AGBL4: variants seen among roughly 807,000 people sequenced by gnomAD.
AGBL4 encodes the protein AGBL carboxypeptidase 4, also known as cytosolic carboxypeptidase 6.
Under a neutral mutation model 66.4 loss-of-function variants are expected in AGBL4, and 58 were observed. The observed-to-expected ratio is 0.87, with a 90% confidence interval of 0.71 to 1.09. The LOEUF (loss-of-function observed/expected upper bound fraction) is 1.09, where lower values mean the gene tolerates loss of function less well. Ranked by LOEUF, AGBL4 falls within the 50% of genes least tolerant of loss-of-function variation. The pLI, the probability that AGBL4 is intolerant of heterozygous loss-of-function variation, is 0.00. For synonymous variants in AGBL4, 234 were observed against 222.9 expected, an observed-to-expected ratio of 1.05 and a Z score of -0.44; for missense variants, 579 against 631.0, an observed-to-expected ratio of 0.92 and a Z score of 0.88.
At chr1:49,946,371 T>C (rs142909317) in intron 1 of AGBL4, among the ~76,000 whole-genome samples, 4 of 151,940 alleles carry the variant, frequency 2.6e-5, no homozygotes, top group East Asian at 1.9e-4. Flanking sequence ...TCTCAGACCA[T>C]AGTGGAATAA....
chr1:48,709,063 G>A (rs756701532), intron 6 of AGBL4, among the ~76,000 whole-genome samples: 4 of 152,076 alleles, frequency 2.6e-5, no homozygotes, highest in South Asian at 4.2e-4. Flanking sequence ...TCTCCTCTCC[G>A]GCCTCTGGGT....
chr1:48,669,232 T>C lies in AGBL4; in HGVS notation c.635-5991A>G, dbSNP rs138161376. On this transcript the variant is annotated intron_variant, in intron 6 of 13. Coordinates refer to ENST00000371839, the MANE Select transcript of AGBL4 (RefSeq NM_032785.4). Reference sequence around the variant, plus strand: ...TAAGATGAGAATAATAATCTCTAGCTCACAAGACAAACAATAAGCAAGAGA... The same window carrying C: ...TAAGATGAGAATAATAATCTCTAGCCCACAAGACAAACAATAAGCAAGAGA... 5.1e-3 allele frequency among the ~76,000 whole-genome samples: 783 copies of C among 152,306 alleles called. 9 individuals are homozygous for C. Among genetic ancestry groups the C allele is most frequent in the African/African-American group, 0.018 (754 of 41,568 alleles).
chr1:48,948,258 G>A (rs886360612), intron 5 of AGBL4, among the ~76,000 whole-genome samples: 1 of 152,218 alleles, frequency 6.6e-6, no homozygotes, highest in Non-Finnish European at 1.5e-5. Context: ...CTCTTTGCAC[G>A]TGTGCCTTGC....
chr1:49,964,635 C>A (rs1175744247), intron 1 of AGBL4, among the ~76,000 whole-genome samples: 1 of 151,922 alleles, frequency 6.6e-6, no homozygotes, highest in Non-Finnish European at 1.5e-5. Context: ...CAGAAATCAT[C>A]CACTTTAAGA....
intron 5 of AGBL4, among the ~76,000 whole-genome samples, chr1:49,017,858 C>T (rs535594775): frequency 2.6e-5 from 4 of 152,136 alleles, no homozygotes; most frequent in Non-Finnish European, 4.4e-5. Context: ...TTGCTTTTGG[C>T]CACAGACCAA....
intron 6 of AGBL4, among the ~76,000 whole-genome samples, chr1:48,682,081 G>T (rs531173732): frequency 2.6e-5 from 4 of 152,340 alleles, no homozygotes; most frequent in African/African-American, 9.6e-5. Flanking sequence ...ACACAGACTT[G>T]TGTGAGCACA....
chr1:48,576,039 C>G (rs544398912), intron 11 of AGBL4, among the ~76,000 whole-genome samples: 2 of 152,204 alleles, frequency 1.3e-5, no homozygotes, highest in Non-Finnish European at 2.9e-5. Flanking sequence ...AACAGATCTA[C>G]TCCCTCTGCT....
rs12076936 is a variant in AGBL4, at chr1:49,926,729, T to C, written c.35-75211A>G. Reference sequence around the variant, plus strand: ...ATTAAAAAGAGTCAAGCAGAAATCATGGAGTAAAAACTTGAAATTGATATA... The same window carrying C: ...ATTAAAAAGAGTCAAGCAGAAATCACGGAGTAAAAACTTGAAATTGATATA... On this transcript the variant is annotated intron_variant, in intron 1 of 13. Transcript: ENST00000371839. Among the ~76,000 whole-genome samples the C allele has an allele frequency of 2.1e-3, 314 of 152,236 alleles. 4 individuals carry two copies. Among genetic ancestry groups the C allele is most frequent in the African/African-American group, 7.0e-3 (292 of 41,566 alleles).
At chr1:49,617,832 G>A (rs1381624105) in intron 3 of AGBL4, among the ~76,000 whole-genome samples, 8 of 152,154 alleles carry the variant, frequency 5.3e-5, no homozygotes, top group Admixed American at 2.0e-4. Flanking sequence ...GACAGACCAA[G>A]GTTTCGGTTT....
intron 3 of AGBL4, among the ~76,000 whole-genome samples, chr1:49,273,375 T>C (rs1644101212): frequency 6.6e-6 from 1 of 151,402 alleles, no homozygotes; most frequent in African/African-American, 2.4e-5. Context: ...AAAACATTTT[T>C]ATAAAAGAAT....
chr1:49,476,338 T>C (rs1469910522), intron 3 of AGBL4, among the ~76,000 whole-genome samples: 3 of 152,062 alleles, frequency 2.0e-5, no homozygotes. Context: ...ATGTGGTCAA[T>C]CTTAGAGTAT....
At chr1:49,164,866 G>A (rs544854495) in intron 4 of AGBL4, among the ~76,000 whole-genome samples, 10 of 152,092 alleles carry the variant, frequency 6.6e-5, no homozygotes, top group Admixed American at 2.0e-4. Context: ...TGTGACCAAG[G>A]GTTTCTATAA....
intron 6 of AGBL4, among the ~76,000 whole-genome samples, chr1:48,816,094 G>T (rs1570739544): frequency 6.7e-6 from 1 of 148,872 alleles, no homozygotes; most frequent in Non-Finnish European, 1.5e-5. Flanking sequence ...TGTGTGTGTA[G>T]AGAGAAAGAG....
At chr1:49,283,282 G>T (rs545011636) in intron 3 of AGBL4, among the ~76,000 whole-genome samples, 26 of 152,242 alleles carry the variant, frequency 1.7e-4, no homozygotes, top group African/African-American at 5.3e-4. Context: ...ACACGGCAGG[G>T]TATTCCAACA....
chr1:49,283,786 GAATGA>G lies in AGBL4; in HGVS notation c.283-37927_283-37923del, dbSNP rs1182453708. Among the ~76,000 whole-genome samples the G allele has an allele frequency of 3.4e-5, 5 of 147,162 alleles. No homozygotes were observed. In the South Asian group the frequency reaches 1.1e-3, roughly 33 times the overall value. On this transcript the variant is annotated intron_variant, in intron 3 of 13. Transcript: ENST00000371839. ...GGGTATCAGCAATGGAAGATGAAAT[GAATGA>G]AATGAAGCGAGAAGGGAAGTTTAGA...
chr1:49,948,520 T>C (rs1655735838), intron 1 of AGBL4, among the ~76,000 whole-genome samples: 1 of 93,322 alleles, frequency 1.1e-5, no homozygotes, highest in African/African-American at 3.8e-5. Flanking sequence ...TATAAAAATA[T>C]AAATAAATAT....
intron 11 of AGBL4, among the ~76,000 whole-genome samples, chr1:48,572,190 A>T (rs1644576288): frequency 6.6e-6 from 1 of 152,166 alleles, no homozygotes; most frequent in South Asian, 2.1e-4. Flanking sequence ...CCCAGGTCAG[A>T]GGCCACTGTA....
intron 6 of AGBL4, among the ~76,000 whole-genome samples, chr1:48,852,388 T>C (rs1647054640): frequency 6.6e-6 from 1 of 152,176 alleles, no homozygotes; most frequent in African/African-American, 2.4e-5. Flanking sequence ...TTGATGATGT[T>C]TTAGACCAGA....
At chr1:49,971,504 A>T (rs1658079922) in intron 1 of AGBL4, among the ~76,000 whole-genome samples, 1 of 152,222 alleles carries the variant, frequency 6.6e-6, no homozygotes, top group South Asian at 2.1e-4. Context: ...TAAGAAGGTG[A>T]AAGTTCTCAG....
Sources: allele counts gnomAD v4.1 joint callset (sites outside exome capture counted in the v4.1 genomes callset), GRCh38; gene constraint gnomAD v4.1.1; transcripts MANE v1.5; gene names NCBI Gene and HGNC (gene_info 2026-07-23, HGNC 2026-07-21).